SCHIP1: variants seen among roughly 807,000 people sequenced by gnomAD.
The protein encoded by SCHIP1 is schwannomin interacting protein 1, also known as schwannomin-interacting protein 1.
SCHIP1 carries 8 observed loss-of-function variants against 29.7 expected under a neutral mutation model. The observed-to-expected ratio is 0.27, with a 90% CI of 0.16 to 0.49. The LOEUF is 0.49. Ranked by LOEUF, SCHIP1 falls within the 20% of genes least tolerant of loss-of-function variation. The pLI, the probability that SCHIP1 is intolerant of heterozygous loss-of-function variation, is 0.99. For synonymous variants in SCHIP1, 76 were observed against 94.9 expected, an observed-to-expected ratio of 0.80 and a Z score of 1.16; for missense variants, 193 against 294.6, an observed-to-expected ratio of 0.66 and a Z score of 2.52.
At chr3:159,292,652 G>A in the SCHIP1 span, among the ~76,000 whole-genome samples, 1 of 152,208 alleles carries the variant, frequency 6.6e-6, no homozygotes, top group African/African-American at 2.4e-5. Flanking sequence ...AGAGGTTAGT[G>A]ATTGTCAAGT....
chr3:159,726,626 T>A, the SCHIP1 span, among the ~76,000 whole-genome samples: 1 of 152,132 alleles, frequency 6.6e-6, no homozygotes, highest in Non-Finnish European at 1.5e-5. Context: ...GGTCTAGCTC[T>A]CCTCCCTAAA....
chr3:159,721,794 G>T, the SCHIP1 span: 2 of 432,350 alleles, frequency 4.6e-6, no homozygotes, highest in East Asian at 6.2e-5. Context: ...CCCCAGCTGG[G>T]CTTTGGCATC....
At chr3:159,808,987 T>TTC in the SCHIP1 span, among the ~76,000 whole-genome samples, 3 of 143,010 alleles carry the variant, frequency 2.1e-5, no homozygotes, top group South Asian at 2.3e-4. Flanking sequence ...TTTTCTTTCT[T>TTC]TTTTTTTTTT....
the SCHIP1 span, among the ~76,000 whole-genome samples, chr3:159,827,762 G>A: frequency 9.7e-4 from 146 of 149,976 alleles, no homozygotes; most frequent in Non-Finnish European, 1.3e-3. Context: ...CCGAGATTGC[G>A]CCACTGCAGT....
At chr3:159,544,643 TTC>T in the SCHIP1 span, among the ~76,000 whole-genome samples, 1 of 152,112 alleles carries the variant, frequency 6.6e-6, no homozygotes, top group African/African-American at 2.4e-5. Flanking sequence ...AATTTGAATA[TTC>T]TCTTTTATGT....
the SCHIP1 span, among the ~76,000 whole-genome samples, chr3:159,535,542 T>C: frequency 1.3e-5 from 2 of 152,284 alleles, no homozygotes; most frequent in East Asian, 3.9e-4. Flanking sequence ...ACCTTGCTTC[T>C]CCCTGCTTAG....
the SCHIP1 span, among the ~76,000 whole-genome samples, chr3:159,789,436 A>G: frequency 2.0e-5 from 3 of 152,226 alleles, no homozygotes; most frequent in African/African-American, 7.2e-5. Flanking sequence ...GGCATTGACA[A>G]ACAACTGTGC....
At chr3:159,808,970 AC>A in the SCHIP1 span, among the ~76,000 whole-genome samples, 1 of 138,320 alleles carries the variant, frequency 7.2e-6, no homozygotes, top group East Asian at 2.3e-4. Context: ...AAAAAAAGAA[AC>A]TTTTTTTTTC....
the SCHIP1 span, among the ~76,000 whole-genome samples, chr3:159,496,000 G>C: frequency 6.6e-6 from 1 of 152,140 alleles, no homozygotes; most frequent in Non-Finnish European, 1.5e-5. Flanking sequence ...ACAAGCAATG[G>C]GGAAAGCATT....
chr3:159,355,520 A>C, the SCHIP1 span, among the ~76,000 whole-genome samples: 9 of 152,196 alleles, frequency 5.9e-5, no homozygotes, highest in Admixed American at 1.3e-4. Flanking sequence ...CAGAAATCTG[A>C]AAATTGATTT....
the SCHIP1 span, among the ~76,000 whole-genome samples, chr3:159,336,291 G>T: frequency 1.3e-5 from 2 of 152,042 alleles, no homozygotes; most frequent in Non-Finnish European, 2.9e-5. Context: ...CCATTCTGTA[G>T]GTCGCCTGTT....
At chr3:159,663,953 A>G in the SCHIP1 span, among the ~76,000 whole-genome samples, 1 of 152,220 alleles carries the variant, frequency 6.6e-6, no homozygotes, top group Non-Finnish European at 1.5e-5. Context: ...AGACCTTATA[A>G]GAATCTTACT....
chr3:159,418,456 A>G, the SCHIP1 span, among the ~76,000 whole-genome samples: 1 of 152,256 alleles, frequency 6.6e-6, no homozygotes, highest in Non-Finnish European at 1.5e-5. Context: ...TGTGCAGGTC[A>G]CCATCTAATT....
chr3:159,390,787 C>A, the SCHIP1 span, among the ~76,000 whole-genome samples: 1 of 152,028 alleles, frequency 6.6e-6, no homozygotes, highest in Non-Finnish European at 1.5e-5. Flanking sequence ...AGTGAAGGCA[C>A]AATTGTGTAG....
chr3:159,772,670 T>A, the SCHIP1 span, among the ~76,000 whole-genome samples: 1 of 152,374 alleles, frequency 6.6e-6, no homozygotes, highest in East Asian at 1.9e-4. Flanking sequence ...TTCTTATTAG[T>A]GCTAAAGTAG....
chr3:159,704,527 A>T, the SCHIP1 span, among the ~76,000 whole-genome samples: 34 of 152,162 alleles, frequency 2.2e-4, no homozygotes, highest in East Asian at 5.8e-3. Context: ...TCCCAGGCAC[A>T]TGCTCTTTAA....
the SCHIP1 span, among the ~76,000 whole-genome samples, chr3:159,383,638 T>C: frequency 5.1e-5 from 6 of 118,710 alleles, no homozygotes; most frequent in South Asian, 8.0e-4. Context: ...TTTCCAATTC[T>C]GTGAAGAAAG....
the SCHIP1 span, among the ~76,000 whole-genome samples, chr3:159,736,827 C>T: frequency 2.2e-3 from 335 of 152,160 alleles, 1 homozygote; most frequent in African/African-American, 7.8e-3. Flanking sequence ...CTCCGCCTCC[C>T]GGGTTCACGC....
At chr3:159,890,821 A>T (rs1717441667) in intron 5 of SCHIP1, among the ~76,000 whole-genome samples, 1 of 152,084 alleles carries the variant, frequency 6.6e-6, no homozygotes, top group Admixed American at 6.5e-5. Context: ...GTTTGACCTA[A>T]AGGCAGATAA....
Sources: allele counts gnomAD v4.1 joint callset (sites outside exome capture counted in the v4.1 genomes callset), GRCh38; gene constraint gnomAD v4.1.1; transcripts MANE v1.5; gene names NCBI Gene and HGNC (gene_info 2026-07-23, HGNC 2026-07-21).